Variants in TEX2 observed in about 807,000 individuals in gnomAD.
TEX2 encodes the protein testis expressed 2.
In TEX2, 53 loss-of-function variants were observed where a neutral mutation model predicts 106.9. The observed-to-expected ratio is 0.50, with a 90% CI of 0.40 to 0.62. TEX2 has a LOEUF of 0.62. TEX2 is among the 20% of genes least tolerant of loss of function. The probability of loss-of-function intolerance (pLI) is 0.00; values close to 1 mark genes in which losing one functional copy is unlikely to be tolerated. For missense variants in TEX2, 1,207 were observed against 1,379.0 expected, an observed-to-expected ratio of 0.88 and a Z score of 1.98; for synonymous variants, 523 against 534.8, an observed-to-expected ratio of 0.98 and a Z score of 0.30.
At chr17:64,248,970 G>C (rs1430558366) in intron 1 of TEX2, among the ~76,000 whole-genome samples, 7 of 152,066 alleles carry the variant, frequency 4.6e-5, no homozygotes, top group African/African-American at 1.7e-4. Flanking sequence ...AGGAGGCGGA[G>C]GTTGCAGTGA....
chr17:64,152,581 A>G (rs1447312826), intron 10 of TEX2, among the ~76,000 whole-genome samples: 4 of 152,208 alleles, frequency 2.6e-5, no homozygotes, highest in African/African-American at 4.8e-5. Flanking sequence ...AGGTAATGCA[A>G]TTACAACCAG....
At chr17:64,193,383 C>G (rs4968702) in intron 4 of TEX2, among the ~76,000 whole-genome samples, 176 bp downstream of exon 4, 127,815 of 152,206 alleles carry the variant, frequency 0.84, 53,727 homozygotes, top group Middle Eastern at 0.91. Flanking sequence ...TTGGGACAGA[C>G]GGCTGCAGTG....
At chr17:64,191,956 G>A (rs1466707884) in intron 4 of TEX2, among the ~76,000 whole-genome samples, 1 of 151,860 alleles carries the variant, frequency 6.6e-6, no homozygotes, top group Non-Finnish European at 1.5e-5. Flanking sequence ...TTATTAATGA[G>A]ATATTTTACA....
At chr17:64,197,429 T>C (rs1290561997) in intron 2 of TEX2, among the ~76,000 whole-genome samples, 1 of 152,206 alleles carries the variant, frequency 6.6e-6, no homozygotes, top group Non-Finnish European at 1.5e-5. Context: ...TATTTCCCTA[T>C]AATCCTGTGA....
intron 1 of TEX2, among the ~76,000 whole-genome samples, chr17:64,252,480 T>A (rs1353597489): frequency 6.6e-6 from 1 of 152,092 alleles, no homozygotes; most frequent in Admixed American, 6.5e-5. Flanking sequence ...AATTTTTAAA[T>A]TTTTTGTAAA....
In TEX2 at chr17:64,213,783, A is replaced by AGCT; in HGVS notation, c.432_434dup (p.Ala145dup). On this transcript the variant is annotated inframe_insertion, in exon 2 of 12. Coordinates refer to ENST00000584379, the MANE Select transcript of TEX2 (RefSeq NM_001288732.2). This position sits in a 1 kb window ranked among gnomAD's most constrained non-coding sequence, Gnocchi z 4.4. ...AAAGGGATGACACACTGGGAGAGCT[A>AGCT]GCTAAGGGCCCCGACGAAGACGACC... 6.2e-7 allele frequency: 1 copy of AGCT among 1,614,192 alleles called. No individual in the cohort carries two copies. The highest frequency in any genetic ancestry group is 1.1e-5 in the South Asian group (1 of 91,080).
At chr17:64,201,277 C>T (rs1162661329) in intron 2 of TEX2, among the ~76,000 whole-genome samples, 1 of 152,150 alleles carries the variant, frequency 6.6e-6, no homozygotes, top group East Asian at 1.9e-4. Context: ...TGGCTTACTG[C>T]CCAGTTTCAT....
At chr17:64,155,098 A>G in intron 8 of TEX2, 131 bp from the exon 9 acceptor site, 1 of 1,166,510 alleles carries the variant, frequency 8.6e-7, no homozygotes, top group Non-Finnish European at 1.1e-6. Flanking sequence ...ACATCTCGTC[A>G]TTCTCTCCAA....
chr17:64,176,302 TG>T (rs2031613218), intron 6 of TEX2, among the ~76,000 whole-genome samples: 1 of 152,182 alleles, frequency 6.6e-6, no homozygotes, highest in Admixed American at 6.5e-5. Flanking sequence ...GAAATCAACC[TG>T]AAGCTCCTCT....
chr17:64,201,003 G>A (rs1555630036), intron 2 of TEX2, among the ~76,000 whole-genome samples: 2 of 152,070 alleles, frequency 1.3e-5, no homozygotes. Context: ...AATAAACACA[G>A]CACACAAATC....
chr17:64,230,224 T>C (rs1388627351), intron 1 of TEX2, among the ~76,000 whole-genome samples: 1 of 152,036 alleles, frequency 6.6e-6, no homozygotes, highest in African/African-American at 2.4e-5. Context: ...TGAGAAGGCA[T>C]GGTGGAAGGT....
At chr17:64,220,364 A>G (rs1173685057) in intron 1 of TEX2, among the ~76,000 whole-genome samples, 3 of 152,246 alleles carry the variant, frequency 2.0e-5, no homozygotes, top group African/African-American at 4.8e-5. Context: ...ATGGAATCTC[A>G]TTAAACTAAA....
chr17:64,184,824 C>T (rs1191398727), intron 5 of TEX2, among the ~76,000 whole-genome samples: 3 of 152,180 alleles, frequency 2.0e-5, no homozygotes, highest in African/African-American at 7.2e-5. Context: ...GTTCCCGCAC[C>T]TTTGTTGAAG....
intron 1 of TEX2, among the ~76,000 whole-genome samples, chr17:64,215,234 T>C (rs1215260216): frequency 6.6e-6 from 1 of 152,160 alleles, no homozygotes; most frequent in Non-Finnish European, 1.5e-5. Flanking sequence ...AGCCCTACTA[T>C]GTAAAAATTA....
chr17:64,227,158 G>A (rs1041267741), intron 1 of TEX2, among the ~76,000 whole-genome samples: 9 of 151,692 alleles, frequency 5.9e-5, no homozygotes, highest in East Asian at 1.9e-4. Context: ...CCCTGGAGGC[G>A]GAGGTTACAG....
At chr17:64,209,642 A>T in intron 2 of TEX2, among the ~76,000 whole-genome samples, 1 of 152,236 alleles carries the variant, frequency 6.6e-6, no homozygotes, top group Non-Finnish European at 1.5e-5. Flanking sequence ...TGGGCAAAAC[A>T]CCTTCCTTAA....
At chr17:64,166,182 T>C (rs1598128345) in intron 7 of TEX2, among the ~76,000 whole-genome samples, 2 of 152,312 alleles carry the variant, frequency 1.3e-5, no homozygotes, top group Middle Eastern at 3.4e-3. Context: ...TTATTAATAC[T>C]AACACAGTGG....
intron 8 of TEX2, among the ~76,000 whole-genome samples, chr17:64,158,458 C>T (rs2030732895): frequency 6.6e-6 from 1 of 152,234 alleles, no homozygotes; most frequent in Admixed American, 6.5e-5. Flanking sequence ...GAAAGGGCTG[C>T]TGCTGGCCAA....
At chr17:64,172,013 C>T (rs182963548) in intron 6 of TEX2, among the ~76,000 whole-genome samples, 1 of 148,938 alleles carries the variant, frequency 6.7e-6, no homozygotes, top group East Asian at 2.0e-4. Flanking sequence ...AGAGAAATTG[C>T]TACATTTCCG....
Sources: allele counts gnomAD v4.1 joint callset (sites outside exome capture counted in the v4.1 genomes callset), GRCh38; gene constraint gnomAD v4.1.1; non-coding constraint Gnocchi (gnomAD v3.1); transcripts MANE v1.5; gene names NCBI Gene and HGNC (gene_info 2026-07-23, HGNC 2026-07-21).